Variants in ZNF385D observed in about 807,000 individuals in gnomAD.
The protein encoded by ZNF385D is zinc finger protein 659.
ZNF385D carries 15 observed loss-of-function variants against 35.8 expected under a neutral mutation model. The observed-to-expected ratio is 0.42, with a 90% CI of 0.28 to 0.64. The LOEUF (loss-of-function observed/expected upper bound fraction) is 0.64, where lower values mean the gene tolerates loss of function less well. Ranked by LOEUF, ZNF385D falls within the 30% of genes least tolerant of loss-of-function variation. The pLI is 0.23. For missense variants in ZNF385D, 474 were observed against 494.6 expected (o/e 0.96, Z 0.39); for synonymous variants, 212 against 186.8 (o/e 1.13, Z -1.10).
chr3:22,105,237 T>C (rs1472228463), intron 3 of ZNF385D, among the ~76,000 whole-genome samples: 1 of 151,534 alleles, frequency 6.6e-6, no homozygotes, highest in East Asian at 1.9e-4. Flanking sequence ...TTTTCTCTAC[T>C]GAAAATATTA....
chr3:21,838,334 A>G (rs1192077370), intron 3 of ZNF385D, among the ~76,000 whole-genome samples: 1 of 152,108 alleles, frequency 6.6e-6, no homozygotes, highest in African/African-American at 2.4e-5. Flanking sequence ...GGAGATAAGT[A>G]TAGTTATGTA....
At chr3:22,083,734 C>T (rs1700883955) in intron 3 of ZNF385D, among the ~76,000 whole-genome samples, 1 of 152,102 alleles carries the variant, frequency 6.6e-6, no homozygotes. Context: ...ACAGAGAACA[C>T]CACAAAGATA....
At chr3:21,892,543 T>G (rs990531185) in intron 3 of ZNF385D, among the ~76,000 whole-genome samples, 1 of 152,204 alleles carries the variant, frequency 6.6e-6, no homozygotes, top group Non-Finnish European at 1.5e-5. Flanking sequence ...AATGTAAGCA[T>G]GACTTTTCTC....
At position 22,069,683 on chromosome 3, in the gene ZNF385D, A is replaced by G. The variant is rs186801072; in HGVS notation, c.325+99134T>C. On this transcript the variant is annotated intron_variant, in intron 3 of 5. Coordinates refer to the ZNF385D transcript ENST00000494108. ...TCTATCATTTTCCCTGAAAAGGATCAGTGAAGATGAAACTCAAGGATTCTG... is the reference window on the plus strand; with the variant it reads ...TCTATCATTTTCCCTGAAAAGGATCGGTGAAGATGAAACTCAAGGATTCTG... 1.3e-4 allele frequency among the ~76,000 whole-genome samples: 20 copies of G among 152,320 alleles called. No homozygotes were observed. The Middle Eastern group carries it at 0.014, about 104-fold the overall frequency.
intron 7 of ZNF385D, among the ~76,000 whole-genome samples, chr3:21,422,806 C>T (rs192043041): frequency 4.6e-5 from 7 of 152,238 alleles, no homozygotes; most frequent in Admixed American, 6.5e-5. Flanking sequence ...TGATAAAACT[C>T]TCAATAAACC....
intron 3 of ZNF385D, among the ~76,000 whole-genome samples, chr3:21,898,208 A>G (rs933020859): frequency 2.0e-5 from 3 of 152,206 alleles, no homozygotes; most frequent in Admixed American, 1.3e-4. Context: ...ATTACATTTC[A>G]GTGATGTTCG....
chr3:21,810,456 G>A (rs953632382), intron 3 of ZNF385D, among the ~76,000 whole-genome samples: 4 of 152,002 alleles, frequency 2.6e-5, no homozygotes, highest in Non-Finnish European at 4.4e-5. Flanking sequence ...ACACCAACAT[G>A]GCACATGTAT....
chr3:22,102,906 A>C (rs1222817016), intron 3 of ZNF385D, among the ~76,000 whole-genome samples: 8 of 150,106 alleles, frequency 5.3e-5, no homozygotes, highest in South Asian at 4.2e-4. Flanking sequence ...GAAAAAAAAA[A>C]ACCAACAAGT....
intron 3 of ZNF385D, among the ~76,000 whole-genome samples, chr3:22,015,027 T>C (rs992589076): frequency 1.3e-5 from 2 of 152,180 alleles, no homozygotes; most frequent in Non-Finnish European, 2.9e-5. Context: ...ACAACAAGCA[T>C]ATATCACTGT....
chr3:21,457,836 G>A (rs1249206886), intron 4 of ZNF385D, among the ~76,000 whole-genome samples: 1 of 152,100 alleles, frequency 6.6e-6, no homozygotes, highest in Non-Finnish European at 1.5e-5. Context: ...TTCTGCACTA[G>A]CCCTTGTGTT....
At chr3:21,639,079 T>C (rs1325660003) in intron 2 of ZNF385D, among the ~76,000 whole-genome samples, 1 of 152,118 alleles carries the variant, frequency 6.6e-6, no homozygotes, top group African/African-American at 2.4e-5. Flanking sequence ...CTGACTTATC[T>C]AGAATTTCAG....
At chr3:21,559,796 C>G (rs2062873587) in intron 3 of ZNF385D, among the ~76,000 whole-genome samples, 1 of 152,174 alleles carries the variant, frequency 6.6e-6, no homozygotes, top group Non-Finnish European at 1.5e-5. Flanking sequence ...TTGAGGTACA[C>G]CAATCAAACG....
At chr3:22,270,181 CT>C (rs1701100946) in intron 2 of ZNF385D, among the ~76,000 whole-genome samples, 1 of 151,994 alleles carries the variant, frequency 6.6e-6, no homozygotes, top group Non-Finnish European at 1.5e-5. Context: ...AGAAAAAGCC[CT>C]TTCTCTGGCT....
chr3:21,630,708 T>C (rs533172723), intron 2 of ZNF385D, among the ~76,000 whole-genome samples: 10 of 152,234 alleles, frequency 6.6e-5, no homozygotes, highest in African/African-American at 2.4e-4. Flanking sequence ...ACTAATCATT[T>C]TTCTCATCAG....
intron 5 of ZNF385D, among the ~76,000 whole-genome samples, chr3:21,432,007 G>T (rs1301318824): frequency 6.6e-6 from 1 of 151,964 alleles, no homozygotes; most frequent in African/African-American, 2.4e-5. Context: ...ATTAACTGGG[G>T]TATTAGATAT....
chr3:22,184,755 G>A (rs2172235), intron 2 of ZNF385D, among the ~76,000 whole-genome samples: 6 of 152,060 alleles, frequency 3.9e-5, no homozygotes, highest in Non-Finnish European at 5.9e-5. Flanking sequence ...TAAACTGGGA[G>A]GAGGAGGTTG....
intron 3 of ZNF385D, among the ~76,000 whole-genome samples, chr3:21,756,710 TATA>T (rs963939293): frequency 5.3e-5 from 8 of 152,172 alleles, no homozygotes; most frequent in African/African-American, 1.2e-4. Context: ...TTGTTGAAAG[TATA>T]ATAACTTTTG....
intron 2 of ZNF385D, among the ~76,000 whole-genome samples, chr3:21,619,123 C>T (rs879375553): frequency 9.9e-5 from 15 of 152,054 alleles, no homozygotes; most frequent in Admixed American, 9.8e-4. Context: ...CAGAGAAACC[C>T]CAATTACCTC....
chr3:22,274,299 C>T (rs184794737), intron 2 of ZNF385D, among the ~76,000 whole-genome samples: 4 of 151,868 alleles, frequency 2.6e-5, no homozygotes, highest in Admixed American at 2.6e-4. Context: ...TCTGAATGAA[C>T]CTTATAGAAA....
Sources: gnomAD v4.1 joint callset for allele counts (sites outside exome capture counted in the v4.1 genomes callset) on GRCh38, gnomAD v4.1.1 for gene constraint, MANE v1.5 for transcripts, NCBI Gene and HGNC (gene_info 2026-07-23, HGNC 2026-07-21) for gene names.